The following GRM5 variants were observed in gnomAD, a reference collection of about 807,000 sequenced individuals.
The protein encoded by GRM5 is glutamate metabotropic receptor 5.
In GRM5, 19 loss-of-function variants were observed where a neutral mutation model predicts 83.1. That is an observed-to-expected ratio of 0.23 (90% CI 0.16 to 0.34). GRM5 has a LOEUF of 0.34. Ranked by LOEUF, GRM5 falls within the 10% of genes least tolerant of loss-of-function variation. The probability of loss-of-function intolerance (pLI) is 1.00; values close to 1 mark genes in which losing one functional copy is unlikely to be tolerated. For missense variants in GRM5, 1,160 were observed against 1,588.3 expected, an observed-to-expected ratio of 0.73 and a Z score of 4.58; for synonymous variants, 675 against 633.6, an observed-to-expected ratio of 1.07 and a Z score of -0.98.
chr11:88,849,464 T>G (rs1326887452), intron 3 of GRM5, among the ~76,000 whole-genome samples: 1 of 152,134 alleles, frequency 6.6e-6, no homozygotes, highest in Admixed American at 6.5e-5. Context: ...CAAGCCAATT[T>G]TCTAATGCTT....
intron 3 of GRM5, among the ~76,000 whole-genome samples, chr11:88,774,337 A>T (rs1942803452): frequency 6.6e-6 from 1 of 152,212 alleles, no homozygotes; most frequent in African/African-American, 2.4e-5. Context: ...TATCAGCTTA[A>T]GGAGATTTTG....
intron 4 of GRM5, among the ~76,000 whole-genome samples, chr11:88,624,977 T>G (rs1938751878): frequency 6.6e-6 from 1 of 152,180 alleles, no homozygotes; most frequent in African/African-American, 2.4e-5. Context: ...TAGCCACTGT[T>G]CTGCATGAGG....
At chr11:88,942,639 G>T (rs1441183918) in intron 2 of GRM5, among the ~76,000 whole-genome samples, 2 of 151,688 alleles carry the variant, frequency 1.3e-5, no homozygotes, top group Non-Finnish European at 2.9e-5. Flanking sequence ...TGCCCTATGG[G>T]AAAACTTTTA....
chr11:88,718,214 G>C (rs548637996), intron 3 of GRM5, among the ~76,000 whole-genome samples: 17 of 151,972 alleles, frequency 1.1e-4, no homozygotes, highest in African/African-American at 4.1e-4. Context: ...CTATATATGT[G>C]ATTCCATTTG....
chr11:88,658,527 G>C (rs1039438965), intron 3 of GRM5, among the ~76,000 whole-genome samples: 2 of 152,134 alleles, frequency 1.3e-5, no homozygotes, highest in African/African-American at 2.4e-5. Context: ...TAGAGACTCT[G>C]CTCCAGCAGT....
At chr11:88,924,088 A>G (rs529549474) in intron 2 of GRM5, among the ~76,000 whole-genome samples, 1 of 151,548 alleles carries the variant, frequency 6.6e-6, no homozygotes, top group South Asian at 2.1e-4. Flanking sequence ...ATGAAAATCA[A>G]AGCCACAGTG....
chr11:88,682,562 T>C (rs1208210218), intron 3 of GRM5, among the ~76,000 whole-genome samples: 1 of 145,054 alleles, frequency 6.9e-6, no homozygotes, highest in Non-Finnish European at 1.5e-5. Flanking sequence ...ACTGAAACAT[T>C]TTTTTTTTTC....
At chr11:88,962,752 G>A (rs1938823059) in intron 2 of GRM5, among the ~76,000 whole-genome samples, 1 of 152,038 alleles carries the variant, frequency 6.6e-6, no homozygotes, top group Non-Finnish European at 1.5e-5. Flanking sequence ...AATAATGTGA[G>A]GCAAAGGAGA....
intron 4 of GRM5, among the ~76,000 whole-genome samples, chr11:88,606,751 CT>C (rs1938153170): frequency 6.6e-6 from 1 of 151,842 alleles, no homozygotes; most frequent in Non-Finnish European, 1.5e-5. Context: ...ATGTTCCTGC[CT>C]GTGGTAGAGG....
chr11:88,739,214 C>T lies in GRM5; in HGVS notation c.912-85811G>A, dbSNP rs190006458. ...CTTGGCATATGGTAAACAAGACTTA[C>T]AAAAATCTCACTAATGCGTAATTCT... On this transcript the variant is annotated intron_variant, in intron 3 of 9. Transcript: ENST00000305447. Among the ~76,000 whole-genome samples the T allele has an allele frequency of 5.3e-5, 8 of 152,122 alleles. No homozygotes were observed. The East Asian group carries it at 1.4e-3, about 26-fold the overall frequency.
intron 2 of GRM5, among the ~76,000 whole-genome samples, chr11:89,008,274 C>A (rs1004644156): frequency 6.6e-6 from 1 of 151,922 alleles, no homozygotes; most frequent in Non-Finnish European, 1.5e-5. Flanking sequence ...ACTTTACTAA[C>A]CAAAATAAAA....
chr11:88,836,063 T>C (rs180999392), intron 3 of GRM5, among the ~76,000 whole-genome samples: 1 of 152,312 alleles, frequency 6.6e-6, no homozygotes, highest in African/African-American at 2.4e-5. Flanking sequence ...AAGTGGAGTT[T>C]ATGTGCAAAC....
At chr11:88,743,802 TA>T (rs1198677750) in intron 3 of GRM5, among the ~76,000 whole-genome samples, 1 of 152,156 alleles carries the variant, frequency 6.6e-6, no homozygotes, top group Non-Finnish European at 1.5e-5. Flanking sequence ...AAAAATGGCA[TA>T]TTGTAGCCCC....
intron 3 of GRM5, among the ~76,000 whole-genome samples, chr11:88,836,848 A>T (rs971179303): frequency 9.9e-5 from 15 of 151,998 alleles, no homozygotes; most frequent in African/African-American, 3.6e-4. Context: ...AAACAAAAAA[A>T]CAAATCTAGA....
intron 3 of GRM5, among the ~76,000 whole-genome samples, chr11:88,781,351 A>G (rs2387412): frequency 0.053 from 8,076 of 152,140 alleles, 398 homozygotes; most frequent in Admixed American, 0.16. Context: ...AACTGGAAAC[A>G]CTACATAAAT....
chr11:88,648,545 C>T (rs1458811566), intron 4 of GRM5, among the ~76,000 whole-genome samples: 2 of 129,916 alleles, frequency 1.5e-5, no homozygotes, highest in African/African-American at 2.8e-5. Flanking sequence ...GGAGATATAC[C>T]TAATGCTAGA....
Position 88,525,333 on chromosome 11 carries a change from T to A in GRM5, c.2702A>T (p.Asn901Ile). Residue 901 changes from asparagine (N) to isoleucine (I), a missense_variant, in exon 9 of 10, where the codon AAT (asparagine) becomes ATT (isoleucine). Asn to Ile is a moderately radical substitution (Grantham distance 149). Around this residue, in one of 9 missense-constraint regions of GRM5, gnomAD observed 562 missense variants for 532.4 expected, o/e 1.06. Transcript: ENST00000305447. The stretch of plus-strand genomic sequence containing the variant: ...CCTGCTCATTGTTGCTCTCCCACCA[T>A]TCCCCATACTCCCTTTGGGGGTGAA... ...ECFTPKGSMGNGGRATMSSSN... is the reference protein window; with the variant it reads ...ECFTPKGSMGIGGRATMSSSN... The A allele has an allele frequency of 6.2e-7, 1 of 1,607,842 alleles. No individual in the cohort carries two copies. Among genetic ancestry groups the A allele is most frequent in the East Asian group, 2.2e-5 (1 of 44,834 alleles).
chr11:88,866,772 G>A lies in GRM5; in HGVS notation c.662-16617C>T, dbSNP rs1944673518. On this transcript the variant is annotated intron_variant, in intron 2 of 9. Transcript: ENST00000305447. ...TTGCTGTTGGTGCTTTAGTCATGAA[G>A]TCTTTGCCCATGCCTATGTCCTGAA... Among the ~76,000 whole-genome samples, 4 of 152,088 alleles carry A rather than the reference G, an allele frequency of 2.6e-5. No homozygotes were observed. The South Asian group carries it at 8.3e-4, about 32-fold the overall frequency.
chr11:88,884,960 C>A (rs1360099254), intron 2 of GRM5, among the ~76,000 whole-genome samples: 1 of 152,110 alleles, frequency 6.6e-6, no homozygotes, highest in South Asian at 2.1e-4. Context: ...GACTAATATA[C>A]CATATTTGTC....
Sources: allele counts gnomAD v4.1 joint callset (sites outside exome capture counted in the v4.1 genomes callset), GRCh38; gene constraint gnomAD v4.1.1; regional missense constraint gnomAD v4.1.1; transcripts MANE v1.5; gene names NCBI Gene and HGNC (gene_info 2026-07-23, HGNC 2026-07-21).